CSMD1: variants seen among roughly 807,000 people sequenced by gnomAD.
CSMD1 encodes CUB and Sushi multiple domains 1.
A neutral mutation model predicts 417.5 loss-of-function variants in CSMD1; 213 were observed. That is an observed-to-expected ratio of 0.51 (90% CI 0.46 to 0.57). The LOEUF (loss-of-function observed/expected upper bound fraction) is 0.57. CSMD1 is among the 20% of genes least tolerant of loss of function. CSMD1 has a pLI of 0.00. For missense variants in CSMD1, 6,923 were observed against 4,529.7 expected (o/e 1.53, Z -15.17); for synonymous variants, 2,862 against 1,736.8 (o/e 1.65, Z -16.11).
Position 3,748,053 on chromosome 8 carries a change from C to G in CSMD1, c.931+5877G>C, listed in dbSNP as rs1584939598. Among the ~76,000 whole-genome samples, 3 of 152,082 alleles carry G rather than the reference C, an allele frequency of 2.0e-5. No individual in the cohort carries two copies. The South Asian group carries it at 6.2e-4, about 32-fold the overall frequency. On this transcript the variant is annotated intron_variant, in intron 6 of 69. Coordinates refer to ENST00000635120, the MANE Select transcript of CSMD1 (RefSeq NM_033225.6). The stretch of plus-strand genomic sequence containing the variant: ...GACACACAGGTAGAAGGGGTACTGG[C>G]TAATCGTAAGTACTTAATGAAAAGT...
chr8:3,739,971 A>T (rs143613968), intron 6 of CSMD1, among the ~76,000 whole-genome samples: 10 of 152,318 alleles, frequency 6.6e-5, no homozygotes, highest in African/African-American at 2.4e-4. Context: ...ATTCTCCTTC[A>T]TGATCCCTAT....
At chr8:3,740,907 A>C (rs937667083) in intron 6 of CSMD1, among the ~76,000 whole-genome samples, 1 of 151,982 alleles carries the variant, frequency 6.6e-6, no homozygotes, top group Non-Finnish European at 1.5e-5. Context: ...GGGTGGGAGG[A>C]AACTGGGATC....
intron 29 of CSMD1, among the ~76,000 whole-genome samples, chr8:3,218,815 C>A (rs912249515): frequency 6.6e-6 from 1 of 151,618 alleles, no homozygotes; most frequent in African/African-American, 2.4e-5. Context: ...GAGGTTGCAG[C>A]GAGCTGACAT....
intron 4 of CSMD1, among the ~76,000 whole-genome samples, chr8:4,028,212 G>C (rs1265403154): frequency 6.6e-6 from 1 of 152,196 alleles, no homozygotes; most frequent in African/African-American, 2.4e-5. Flanking sequence ...CTCTAGGACA[G>C]AGGAATAATT....
intron 1 of CSMD1, among the ~76,000 whole-genome samples, chr8:4,706,006 A>G (rs1295209151): frequency 6.6e-6 from 1 of 151,068 alleles, no homozygotes; most frequent in East Asian, 1.9e-4. Flanking sequence ...ATTTTTTTCA[A>G]TATTTTAAAA....
At position 4,154,474 on chromosome 8, in the gene CSMD1, G is replaced by C. The variant is rs369733581; in HGVS notation, c.416-122375C>G. Among the ~76,000 whole-genome samples the C allele has an allele frequency of 2.0e-4, 30 of 152,248 alleles. No individual in the cohort carries two copies. The South Asian group carries it at 5.8e-3, about 29-fold the overall frequency. The stretch of plus-strand genomic sequence containing the variant: ...AAATCAATGGGTATCTGTGGAAGGA[G>C]AATGGTTTACCCCAAGTTCAAAACT... On this transcript the variant is annotated intron_variant, in intron 3 of 69. Coordinates refer to ENST00000635120, the MANE Select transcript of CSMD1 (RefSeq NM_033225.6).
chr8:4,363,934 G>C (rs1181262070), intron 3 of CSMD1, among the ~76,000 whole-genome samples: 1 of 152,058 alleles, frequency 6.6e-6, no homozygotes, highest in African/African-American at 2.4e-5. Context: ...GATGAAAATG[G>C]TTAACAAGTA....
At position 2,950,330 on chromosome 8, in the gene CSMD1, C is replaced by T. The variant is rs769510760; in HGVS notation, c.10215G>A (p.Lys3405=). The T allele has an allele frequency of 2.5e-6, 4 of 1,610,518 alleles. No individual in the cohort carries two copies. The highest frequency in any genetic ancestry group is 2.5e-6 in the Non-Finnish European group (3 of 1,176,906). Residue 3405 remains lysine, a synonymous_variant, in exon 67 of 70, where the codon AAG becomes AAA. Transcript: ENST00000635120. ...VELKLTGIYK[K]EEAHLLLKAF... ...CTTTCAGGAGTAAGTGGGCCTCCTC[C>T]TTCTTGTAAATGCCTGTGAAAAGAT... is the stretch of plus-strand genomic sequence containing the variant.
chr8:4,764,756 C>G (rs1437290669), intron 1 of CSMD1, among the ~76,000 whole-genome samples: 1 of 150,476 alleles, frequency 6.6e-6, no homozygotes, highest in Non-Finnish European at 1.5e-5. Context: ...GCCTGTAGTC[C>G]CAGCTACTCT....
chr8:4,219,457 T>C (rs558311107), intron 3 of CSMD1, among the ~76,000 whole-genome samples: 1 of 152,102 alleles, frequency 6.6e-6, no homozygotes, highest in African/African-American at 2.4e-5. Flanking sequence ...CCCGAACCTC[T>C]CTCTTGAACT....
chr8:3,700,122 G>A, intron 7 of CSMD1, among the ~76,000 whole-genome samples: 1 of 152,092 alleles, frequency 6.6e-6, no homozygotes, highest in Non-Finnish European at 1.5e-5. Context: ...GTGGGAGTGG[G>A]GCGAGGGATA....
intron 41 of CSMD1, among the ~76,000 whole-genome samples, chr8:3,129,902 G>C (rs1234094454): frequency 6.6e-6 from 1 of 151,992 alleles, no homozygotes; most frequent in Non-Finnish European, 1.5e-5. Context: ...AATCACCTGA[G>C]CCCGGGGGGC....
chr8:4,640,638 T>A (rs1803130133), intron 1 of CSMD1, among the ~76,000 whole-genome samples: 1 of 152,184 alleles, frequency 6.6e-6, no homozygotes, highest in African/African-American at 2.4e-5. Flanking sequence ...AAGTACAGCT[T>A]CAAACAAGTG....
intron 9 of CSMD1, among the ~76,000 whole-genome samples, chr8:3,585,596 C>T (rs1031326202): frequency 5.9e-5 from 9 of 152,032 alleles, no homozygotes; most frequent in African/African-American, 1.2e-4. Context: ...TTGCTGACTT[C>T]GTATGTTTTA....
chr8:4,748,387 T>C (rs1394315488), intron 1 of CSMD1, among the ~76,000 whole-genome samples: 2 of 152,244 alleles, frequency 1.3e-5, no homozygotes, highest in Non-Finnish European at 2.9e-5. Context: ...TTGAATACTT[T>C]TTAAATCTGA....
chr8:4,560,876 G>T (rs777715048), intron 2 of CSMD1, among the ~76,000 whole-genome samples: 4 of 152,108 alleles, frequency 2.6e-5, no homozygotes, highest in Non-Finnish European at 4.4e-5. Flanking sequence ...AAATCCCACA[G>T]TGGTGTCTCT....
intron 1 of CSMD1, among the ~76,000 whole-genome samples, chr8:4,992,772 C>G (rs1412647085): frequency 1.3e-5 from 2 of 152,228 alleles, no homozygotes; most frequent in African/African-American, 2.4e-5. Flanking sequence ...CCAAGGCATC[C>G]GGACTGAGCC....
intron 5 of CSMD1, among the ~76,000 whole-genome samples, chr8:3,834,433 G>C (rs968218822): frequency 2.0e-5 from 3 of 152,150 alleles, no homozygotes; most frequent in Admixed American, 1.3e-4. Flanking sequence ...AAGTGGGGCA[G>C]ACTCACTGGG....
At chr8:3,848,030 T>C (rs1045771260) in intron 5 of CSMD1, among the ~76,000 whole-genome samples, 2 of 152,146 alleles carry the variant, frequency 1.3e-5, no homozygotes, top group Non-Finnish European at 2.9e-5. Flanking sequence ...CTGACACATG[T>C]TTTTATTTTG....
Sources: gnomAD v4.1 joint callset for allele counts (sites outside exome capture counted in the v4.1 genomes callset) on GRCh38, gnomAD v4.1.1 for gene constraint, MANE v1.5 for transcripts, NCBI Gene and HGNC (gene_info 2026-07-23, HGNC 2026-07-21) for gene names.